Variants in MB21D2 observed in about 807,000 individuals in gnomAD.
MB21D2 encodes Mab-21 domain containing 2.
In MB21D2, 9 loss-of-function variants were observed where a neutral mutation model predicts 33.3. The ratio of observed to expected loss-of-function variants is 0.27; its 90% CI spans 0.16 to 0.47. MB21D2 has a LOEUF of 0.47. MB21D2 is among the 20% of genes least tolerant of loss of function. The pLI is 0.99. For missense variants in MB21D2, 540 were observed against 624.6 expected, an observed-to-expected ratio of 0.86 and a Z score of 1.44; for synonymous variants, 241 against 236.3, an observed-to-expected ratio of 1.02 and a Z score of -0.18.
chr3:192,872,005 T>C (rs997485696), intron 1 of MB21D2, among the ~76,000 whole-genome samples: 4 of 152,150 alleles, frequency 2.6e-5, no homozygotes, highest in Non-Finnish European at 2.9e-5. Context: ...TTATGACATA[T>C]CCTAAACATT....
intron 1 of MB21D2, among the ~76,000 whole-genome samples, chr3:192,858,285 A>G (rs1712963496): frequency 6.6e-6 from 1 of 152,152 alleles, no homozygotes; most frequent in African/African-American, 2.4e-5. Context: ...GTCTCCCACC[A>G]GCTATCTCCT....
intron 1 of MB21D2, among the ~76,000 whole-genome samples, chr3:192,902,234 C>G (rs1714119573): frequency 6.6e-6 from 1 of 152,128 alleles, no homozygotes; most frequent in Non-Finnish European, 1.5e-5. Flanking sequence ...TGCCCACTAC[C>G]CCCTCACTTC....
intron 1 of MB21D2, among the ~76,000 whole-genome samples, chr3:192,839,501 A>T (rs1037834025): frequency 5.3e-5 from 8 of 152,206 alleles, no homozygotes; most frequent in African/African-American, 1.9e-4. Context: ...TGCTCCCTAA[A>T]TGTTTAAATG....
At chr3:192,891,925 G>C (rs185081590) in intron 1 of MB21D2, among the ~76,000 whole-genome samples, 37 of 152,114 alleles carry the variant, frequency 2.4e-4, no homozygotes, top group African/African-American at 8.5e-4. Flanking sequence ...TGGTTGATTC[G>C]ACTTTAGGCC....
At chr3:192,907,871 G>T (rs375703304) in intron 1 of MB21D2, among the ~76,000 whole-genome samples, 3 of 152,288 alleles carry the variant, frequency 2.0e-5, no homozygotes, top group African/African-American at 7.2e-5. Context: ...AAAGCCCTGA[G>T]TATGGGCATG....
intron 1 of MB21D2, among the ~76,000 whole-genome samples, chr3:192,822,509 G>A (rs933537295): frequency 1.3e-5 from 2 of 152,076 alleles, no homozygotes; most frequent in African/African-American, 4.8e-5. Context: ...CAAATCACTG[G>A]CATTGTAAAG....
intron 1 of MB21D2, among the ~76,000 whole-genome samples, chr3:192,822,192 G>A (rs1216003039): frequency 6.6e-6 from 1 of 151,942 alleles, no homozygotes; most frequent in Non-Finnish European, 1.5e-5. Context: ...AAGGCGGGGT[G>A]GGGGTGGGAG....
chr3:192,864,262 A>C (rs1038842637), intron 1 of MB21D2, among the ~76,000 whole-genome samples: 1 of 152,224 alleles, frequency 6.6e-6, no homozygotes, highest in Non-Finnish European at 1.5e-5. Flanking sequence ...GTGGGGAATA[A>C]GGAGGGAAGG....
At chr3:192,845,433 A>G (rs1422936507) in intron 1 of MB21D2, among the ~76,000 whole-genome samples, 1 of 152,230 alleles carries the variant, frequency 6.6e-6, no homozygotes, top group East Asian at 1.9e-4. Context: ...ATTCCCATGA[A>G]GAAGTGTTTC....
intron 1 of MB21D2, among the ~76,000 whole-genome samples, chr3:192,827,369 A>G (rs1268284086): frequency 6.6e-6 from 1 of 152,108 alleles, no homozygotes; most frequent in Non-Finnish European, 1.5e-5. Flanking sequence ...CAGCTGGTAT[A>G]ATCACTGGCA....
intron 1 of MB21D2, among the ~76,000 whole-genome samples, chr3:192,820,023 C>G (rs1021522802): frequency 2.6e-5 from 4 of 152,094 alleles, no homozygotes; most frequent in African/African-American, 9.7e-5. Context: ...TCCTTGGCTA[C>G]CAAGTAAGTT....
At chr3:192,834,629 A>G (rs567815714) in intron 1 of MB21D2, among the ~76,000 whole-genome samples, 4 of 152,118 alleles carry the variant, frequency 2.6e-5, no homozygotes, top group South Asian at 2.1e-4. Flanking sequence ...CAGCCAAGGA[A>G]CAAAAACAAG....
At chr3:192,806,237 T>C (rs1711657784) in intron 1 of MB21D2, among the ~76,000 whole-genome samples, 1 of 152,196 alleles carries the variant, frequency 6.6e-6, no homozygotes. Context: ...GCTGTGTTCA[T>C]GGTGTATCTT....
intron 1 of MB21D2, among the ~76,000 whole-genome samples, chr3:192,840,933 T>C (rs186447592): frequency 2.0e-5 from 3 of 152,264 alleles, no homozygotes; most frequent in Non-Finnish European, 1.5e-5. Flanking sequence ...TTGTGGAAAA[T>C]ATTTTATAGA....
chr3:192,830,254 G>A (rs1712285032), intron 1 of MB21D2, among the ~76,000 whole-genome samples: 1 of 151,792 alleles, frequency 6.6e-6, no homozygotes, highest in African/African-American at 2.4e-5. Flanking sequence ...GTGTGTGTGT[G>A]TGTGTGTGTG....
chr3:192,830,195 T>C (rs1712282040), intron 1 of MB21D2, among the ~76,000 whole-genome samples: 1 of 151,944 alleles, frequency 6.6e-6, no homozygotes, highest in African/African-American at 2.4e-5. Flanking sequence ...AACATAGAGT[T>C]TTCCTGACTG....
intron 1 of MB21D2, among the ~76,000 whole-genome samples, chr3:192,916,616 C>A (rs979395146): frequency 2.0e-5 from 3 of 152,242 alleles, no homozygotes; most frequent in Non-Finnish European, 4.4e-5. Context: ...GCTGGCGGAG[C>A]CGCAAGTTAC....
In MB21D2 at chr3:192,864,031, C is replaced by G. The variant is rs539806771; in HGVS notation, c.211+53599G>C. On this transcript the variant is annotated intron_variant, in intron 1 of 1. Coordinates refer to ENST00000392452, the MANE Select transcript of MB21D2 (RefSeq NM_178496.4). The stretch of plus-strand genomic sequence containing the variant: ...AAACATAATGTGACAGATGTCTTTA[C>G]ATCAGTAGTGGATGCTGTGACAGAG... 2.6e-5 allele frequency among the ~76,000 whole-genome samples: 4 copies of G among 152,282 alleles called. No individual in the cohort carries two copies. The East Asian group carries it at 7.7e-4, about 29-fold the overall frequency.
chr3:192,883,841 C>T lies in MB21D2; in HGVS notation c.211+33789G>A, dbSNP rs187381097. On this transcript the variant is annotated intron_variant, in intron 1 of 1. Transcript: ENST00000392452. ...CTTCATTCTGGCTTCCTTGATTCCCCTTTAGAGACATCTCACTGCCAGAAA... is the reference window on the plus strand; with the variant it reads ...CTTCATTCTGGCTTCCTTGATTCCCTTTTAGAGACATCTCACTGCCAGAAA... Among the ~76,000 whole-genome samples, 382 of 152,180 alleles carry T rather than the reference C, an allele frequency of 2.5e-3. 5 individuals carry two copies. Among genetic ancestry groups the T allele is most frequent in the Middle Eastern group, 0.01 (3 of 294 alleles).
Sources: gnomAD v4.1 joint callset for allele counts (sites outside exome capture counted in the v4.1 genomes callset) on GRCh38, gnomAD v4.1.1 for gene constraint, MANE v1.5 for transcripts, NCBI Gene and HGNC (gene_info 2026-07-23, HGNC 2026-07-21) for gene names.